COL6A5: variants seen among roughly 807,000 people sequenced by gnomAD.
COL6A5 encodes the protein collagen alpha-5(VI) chain.
COL6A5 carries 48 observed loss-of-function variants against 65.6 expected under a neutral mutation model. The ratio of observed to expected loss-of-function variants is 0.73; its 90% CI spans 0.58 to 0.93. The LOEUF is 0.93. Ranked by LOEUF, COL6A5 falls within the 40% of genes least tolerant of loss-of-function variation. The pLI is 0.00. For synonymous variants in COL6A5, 291 were observed against 322.8 expected (o/e 0.90, Z 1.05); for missense variants, 914 against 928.3 (o/e 0.98, Z 0.20).
intron 20 of COL6A5, among the ~76,000 whole-genome samples, chr3:130,412,598 C>T (rs1197425715): frequency 6.6e-6 from 1 of 152,202 alleles, no homozygotes; most frequent in Non-Finnish European, 1.5e-5. Flanking sequence ...AGGCCTCAAT[C>T]TTTGTTTACT....
chr3:130,349,760 AT>A (rs957877266), intron 1 of COL6A5, among the ~76,000 whole-genome samples: 60 of 152,348 alleles, frequency 3.9e-4, no homozygotes, highest in African/African-American at 1.4e-3. Flanking sequence ...AATTATGATT[AT>A]ATTCAGCTGC....
intron 22 of COL6A5, among the ~76,000 whole-genome samples, chr3:130,414,800 T>G (rs1160632656): frequency 6.6e-6 from 1 of 152,110 alleles, no homozygotes; most frequent in African/African-American, 2.4e-5. Context: ...TAGCTGTGCC[T>G]ATTCTAAGGT....
chr3:130,444,996 C>T (rs1366477145), intron 4 of COL6A5, among the ~76,000 whole-genome samples: 1 of 152,186 alleles, frequency 6.6e-6, no homozygotes, highest in African/African-American at 2.4e-5. Context: ...GACTCACTAC[C>T]TGATCTCCAA....
At chr3:130,362,892 A>G (rs771875801) in intron 1 of COL6A5, among the ~76,000 whole-genome samples, 14 of 152,100 alleles carry the variant, frequency 9.2e-5, no homozygotes, top group Non-Finnish European at 1.6e-4. Flanking sequence ...TTCTCTATCC[A>G]ATTTCTTTTA....
In COL6A5 at chr3:130,391,219, G is replaced by A. The variant is rs551274777; in HGVS notation, c.2457G>A (p.Leu819=). ...CACTACTAGACGTTGTGTTTGTGCTGGATCATTCAGGTAGCATAAAAAAAC... is the reference window on the plus strand; with the variant it reads ...CACTACTAGACGTTGTGTTTGTGCTAGATCATTCAGGTAGCATAAAAAAAC... Residue 819 remains leucine, a synonymous_variant and NMD_transcript_variant, in exon 7 of 42, where the codon CTG becomes CTA. Coordinates refer to the COL6A5 transcript ENST00000312481. 35 of 1,551,464 alleles carry A rather than the reference G, an allele frequency of 2.3e-5. 1 individual carries two copies. The African/African-American group carries it at 2.5e-4, about 11-fold the overall frequency.
At chr3:130,471,574 A>G (rs368113084) in intron 7 of COL6A5, 108 bp from the exon 40 acceptor site, 28 of 1,037,464 alleles carry the variant, frequency 2.7e-5, no homozygotes, top group Admixed American at 2.4e-4. Context: ...GACTATTCCA[A>G]TCACATACAT....
intron 4 of COL6A5, among the ~76,000 whole-genome samples, chr3:130,453,781 G>A (rs1017353649): frequency 3.9e-5 from 6 of 152,092 alleles, no homozygotes; most frequent in Non-Finnish European, 7.4e-5. Flanking sequence ...TTGCAATTAA[G>A]CAAAGGAGCT....
intron 1 of COL6A5, among the ~76,000 whole-genome samples, chr3:130,434,767 C>T (rs1261712807): frequency 6.6e-6 from 1 of 152,150 alleles, no homozygotes; most frequent in Non-Finnish European, 1.5e-5. Flanking sequence ...ATCCTTTGCT[C>T]ATTTTTTGAT....
In COL6A5 at chr3:130,413,593, G is replaced by A. The variant is rs1458058951; in HGVS notation, c.4698+13G>A. The A allele has an allele frequency of 6.5e-7, 1 of 1,548,006 alleles. No homozygotes were observed. Among genetic ancestry groups the A allele is most frequent in the Non-Finnish European group, 8.7e-7 (1 of 1,143,976 alleles). ...CCGAGGTGTCTCAGTAAGTAACCTTGACTTCCTGTTCTCTGTGGTTGATGG... is the reference window on the plus strand; with the variant it reads ...CCGAGGTGTCTCAGTAAGTAACCTTAACTTCCTGTTCTCTGTGGTTGATGG... On this transcript the variant is annotated intron_variant and NMD_transcript_variant, in intron 21 of 41. Transcript: ENST00000312481.
At chr3:130,392,692 A>G (rs1208064995) in intron 7 of COL6A5, among the ~76,000 whole-genome samples, 2 of 152,166 alleles carry the variant, frequency 1.3e-5, no homozygotes, top group Non-Finnish European at 2.9e-5. Context: ...TAAGACTGAC[A>G]TTAACCCACT....
At position 130,421,177 on chromosome 3, in the gene COL6A5, G is replaced by A. The variant is rs376551657; in HGVS notation, c.4975G>A (p.Gly1659Ser). Reference sequence around the variant, plus strand: ...GGGAGATTCTGGCATCCCAGGCTACGGTCAGATGGGACGAAAAGGAGTAAA... The same window carrying A: ...GGGAGATTCTGGCATCCCAGGCTACAGTCAGATGGGACGAAAAGGAGTAAA... The change falls in exon 26 of 42, where the codon GGT becomes AGT. Residue 1659 changes from glycine (G) to serine (S), a missense_variant and NMD_transcript_variant. Transcript: ENST00000312481. 2.8e-5 allele frequency: 44 copies of A among 1,550,518 alleles called. No individual in the cohort carries two copies. The highest frequency in any genetic ancestry group is 6.0e-5 in the South Asian group (5 of 84,030).
upstream of COL6A5, among the ~76,000 whole-genome samples, chr3:130,428,119 G>C (rs12637622): frequency 0.24 from 37,137 of 151,992 alleles, 6,390 homozygotes; most frequent in African/African-American, 0.47. Flanking sequence ...GAAGGGAGAA[G>C]TTTTCCAACA....
chr3:130,413,522 A>C, intron 20 of COL6A5, 23 bp from the exon 21 acceptor site: 1 of 1,546,124 alleles, frequency 6.5e-7, no homozygotes, highest in Non-Finnish European at 8.8e-7. Flanking sequence ...CCACATACTA[A>C]CAGTTTGCCT....
rs781260591 is a variant in COL6A5, at chr3:130,376,460, CAAG to C, written c.297_299del (p.Lys99del). On this transcript the variant is annotated inframe_deletion and NMD_transcript_variant, in exon 3 of 42. Coordinates refer to the COL6A5 transcript ENST00000312481. ...GCAGAAGCCCCATGCTGAACCACCT[CAAG>C]AAGAACTTTCAGTTCATTGGCGGGT... 110 of 1,612,054 alleles carry C rather than the reference CAAG, an allele frequency of 6.8e-5. 1 individual carries two copies. The highest frequency in any genetic ancestry group is 1.6e-4 in the Middle Eastern group (1 of 6,074).
At chr3:130,413,465 G>A in intron 20 of COL6A5, 80 bp from the exon 21 acceptor site, 1 of 1,316,952 alleles carries the variant, frequency 7.6e-7, no homozygotes, top group Non-Finnish European at 1.1e-6. Context: ...GTCTAGCAGA[G>A]AATGAAAGAG....
upstream of COL6A5, among the ~76,000 whole-genome samples, chr3:130,429,416 T>A (rs922001103): frequency 6.6e-6 from 1 of 152,234 alleles, no homozygotes; most frequent in African/African-American, 2.4e-5. Context: ...GACATCTTCC[T>A]CAATACTTTA....
At chr3:130,351,880 C>T (rs1035955758) in intron 1 of COL6A5, among the ~76,000 whole-genome samples, 2 of 152,080 alleles carry the variant, frequency 1.3e-5, no homozygotes, top group Admixed American at 1.3e-4. Flanking sequence ...TGGCACTATT[C>T]ACAATAGCAA....
exon 4 of COL6A5, chr3:130,379,696 G>A: frequency 6.4e-7 from 1 of 1,551,398 alleles, no homozygotes; most frequent in Non-Finnish European, 8.7e-7. Flanking sequence ...CAATACAGGG[G>A]CTGCCATTGA....
At chr3:130,451,146 C>T (rs1709421128) in intron 4 of COL6A5, among the ~76,000 whole-genome samples, 1 of 152,120 alleles carries the variant, frequency 6.6e-6, no homozygotes, top group Admixed American at 6.5e-5. Flanking sequence ...TTAAGAGGTA[C>T]ATAATGATCA....
Sources: allele counts gnomAD v4.1 joint callset (sites outside exome capture counted in the v4.1 genomes callset), GRCh38; gene constraint gnomAD v4.1.1; transcripts MANE v1.5; gene names NCBI Gene and HGNC (gene_info 2026-07-23, HGNC 2026-07-21).